DLG2: variants seen among roughly 807,000 people sequenced by gnomAD.
The protein encoded by DLG2 is disks large homolog 2.
A neutral mutation model predicts 132.5 loss-of-function variants in DLG2; 45 were observed. That is an observed-to-expected ratio of 0.34 (90% CI 0.27 to 0.44). The LOEUF (loss-of-function observed/expected upper bound fraction) is 0.44. Ranked by LOEUF, DLG2 falls within the 20% of genes least tolerant of loss-of-function variation. The pLI is 1.00. For missense variants in DLG2, 1,045 were observed against 1,196.9 expected (o/e 0.87, Z 1.87); for synonymous variants, 424 against 419.6 (o/e 1.01, Z -0.13).
intron 6 of DLG2, among the ~76,000 whole-genome samples, chr11:84,611,365 A>T (rs995429059): frequency 2.0e-5 from 3 of 152,164 alleles, no homozygotes; most frequent in Admixed American, 6.5e-5. Context: ...AAGAAAAGGA[A>T]GTGCTGAGTA....
intron 12 of DLG2, 73 bp downstream of exon 12, chr11:83,980,433 G>A: frequency 6.7e-7 from 1 of 1,483,084 alleles, no homozygotes; most frequent in Admixed American, 2.2e-5. Flanking sequence ...AGCCTGAACT[G>A]ACAAAGACAG....
chr11:84,421,449 G>A (rs1290918252), intron 7 of DLG2, among the ~76,000 whole-genome samples: 3 of 152,134 alleles, frequency 2.0e-5, no homozygotes, highest in Non-Finnish European at 4.4e-5. Context: ...GCAACAATGT[G>A]TGTTTTATCA....
rs367972125 is a variant in DLG2 at position 84,659,850 on chromosome 11, G to A, written c.358-125119C>T. On this transcript the variant is annotated intron_variant, in intron 6 of 27. Coordinates refer to ENST00000376104, the MANE Select transcript of DLG2 (RefSeq NM_001142699.3). The stretch of plus-strand genomic sequence containing the variant: ...ACTCAGTGAAAGCTGTTATATTCAC[G>A]ACTACAGTTTATTAAAGGAAAAAAA... 4.6e-5 allele frequency among the ~76,000 whole-genome samples: 7 copies of A among 152,134 alleles called. 1 individual carries two copies. In the South Asian group the frequency reaches 8.3e-4, roughly 18 times the overall value.
chr11:84,243,060 CTAGAGTA>C (rs1352818602), intron 8 of DLG2, among the ~76,000 whole-genome samples: 2 of 145,504 alleles, frequency 1.4e-5, no homozygotes, highest in Non-Finnish European at 3.0e-5. Flanking sequence ...TATAAAGAAC[CTAGAGTA>C]TAATCATTTC....
intron 18 of DLG2, among the ~76,000 whole-genome samples, chr11:83,764,956 T>C (rs1376707787): frequency 6.6e-6 from 1 of 152,172 alleles, no homozygotes; most frequent in African/African-American, 2.4e-5. Flanking sequence ...CAGGCAGAGA[T>C]GGCCGGCACA....
At chr11:84,516,940 A>G (rs902425661) in intron 7 of DLG2, among the ~76,000 whole-genome samples, 2 of 150,122 alleles carry the variant, frequency 1.3e-5, no homozygotes, top group Non-Finnish European at 3.0e-5. Flanking sequence ...AAACTACTAG[A>G]AGAAAACCTA....
At chr11:85,240,360 T>C (rs551675586) in intron 4 of DLG2, among the ~76,000 whole-genome samples, 1 of 151,962 alleles carries the variant, frequency 6.6e-6, no homozygotes, top group South Asian at 2.1e-4. Context: ...ACTGTAGACA[T>C]CTAATTGTTT....
chr11:84,708,139 T>C (rs957756695), intron 6 of DLG2, among the ~76,000 whole-genome samples: 1 of 151,790 alleles, frequency 6.6e-6, no homozygotes, highest in African/African-American at 2.4e-5. Flanking sequence ...TATGGAGAAA[T>C]GGTCTTCAGC....
intron 18 of DLG2, among the ~76,000 whole-genome samples, chr11:83,713,392 C>T (rs555208798): frequency 3.6e-4 from 55 of 152,162 alleles, no homozygotes; most frequent in African/African-American, 1.0e-3. Context: ...TTTCCAGAGT[C>T]GAAGAACATC....
chr11:83,762,732 C>T (rs113552808), intron 18 of DLG2, among the ~76,000 whole-genome samples: 6,101 of 152,150 alleles, frequency 0.04, 156 homozygotes, highest in Non-Finnish European at 0.06. Flanking sequence ...AGGCGCATGC[C>T]GCCACGCCTG....
At chr11:84,235,670 G>A (rs2097149100) in intron 8 of DLG2, among the ~76,000 whole-genome samples, 1 of 152,098 alleles carries the variant, frequency 6.6e-6, no homozygotes, top group Non-Finnish European at 1.5e-5. Flanking sequence ...TATTAATGAA[G>A]TGTTCAACAA....
intron 6 of DLG2, among the ~76,000 whole-genome samples, chr11:85,002,310 A>T (rs933786977): frequency 6.6e-6 from 1 of 152,172 alleles, no homozygotes; most frequent in African/African-American, 2.4e-5. Context: ...CCTTAAAAAG[A>T]AAGGTATTAC....
chr11:85,500,077 G>C (rs2093761638), intron 3 of DLG2, among the ~76,000 whole-genome samples: 1 of 152,084 alleles, frequency 6.6e-6, no homozygotes, highest in Non-Finnish European at 1.5e-5. Context: ...ATTCAACACA[G>C]TGTTGGAATT....
At chr11:85,480,487 C>T (rs542452804) in intron 3 of DLG2, among the ~76,000 whole-genome samples, 10 of 151,988 alleles carry the variant, frequency 6.6e-5, no homozygotes, top group African/African-American at 1.9e-4. Context: ...CAAAAAAAGG[C>T]GAGCTGCAAA....
At chr11:84,447,861 G>A (rs1425487530) in intron 7 of DLG2, among the ~76,000 whole-genome samples, 1 of 152,028 alleles carries the variant, frequency 6.6e-6, no homozygotes, top group Admixed American at 6.6e-5. Flanking sequence ...GACTGATAAT[G>A]GCAGTAACTA....
intron 2 of DLG2, among the ~76,000 whole-genome samples, chr11:85,612,540 T>G (rs2153274877): frequency 6.6e-6 from 1 of 152,364 alleles, no homozygotes; most frequent in South Asian, 2.1e-4. Flanking sequence ...GAGCCATCTA[T>G]ACCAATTTTA....
In DLG2 at chr11:83,677,136, A is replaced by G. The variant is rs75656322; in HGVS notation, c.1826-43811T>C. Among the ~76,000 whole-genome samples the G allele has an allele frequency of 1.6e-3, 243 of 152,256 alleles. 3 individuals carry two copies. The highest frequency in any genetic ancestry group is 5.6e-3 in the African/African-American group (231 of 41,538). ...CTAAAAGTGTGTTTTCCCTTTTCTT[A>G]TAATCATATGAATGATTCATGTTTA... On this transcript the variant is annotated intron_variant, in intron 18 of 27. Coordinates refer to ENST00000376104, the MANE Select transcript of DLG2 (RefSeq NM_001142699.3).
At chr11:84,120,365 T>C (rs1046013413) in intron 9 of DLG2, among the ~76,000 whole-genome samples, 4 of 152,226 alleles carry the variant, frequency 2.6e-5, no homozygotes, top group African/African-American at 9.6e-5. Context: ...TTATTTCTTT[T>C]AGCCCCAGGG....
chr11:83,833,006 T>G (rs2054999188), intron 17 of DLG2, among the ~76,000 whole-genome samples: 1 of 152,198 alleles, frequency 6.6e-6, no homozygotes, highest in Non-Finnish European at 1.5e-5. Context: ...TAATATATCA[T>G]TTTTAAAAAG....
Sources: allele counts gnomAD v4.1 joint callset (sites outside exome capture counted in the v4.1 genomes callset), GRCh38; gene constraint gnomAD v4.1.1; transcripts MANE v1.5; gene names NCBI Gene and HGNC (gene_info 2026-07-23, HGNC 2026-07-21).